The following PDCD6IP variants were observed in gnomAD, a reference collection of about 807,000 sequenced individuals.
The protein encoded by PDCD6IP is programmed cell death 6 interacting protein.
In PDCD6IP, 43 loss-of-function variants were observed where a neutral mutation model predicts 103.7. The observed-to-expected ratio is 0.41, with a 90% CI of 0.32 to 0.53. The LOEUF (loss-of-function observed/expected upper bound fraction) is 0.53, where lower values mean the gene tolerates loss of function less well. PDCD6IP is among the 20% of genes least tolerant of loss of function. The pLI, the probability that PDCD6IP is intolerant of heterozygous loss-of-function variation, is 0.16. For missense variants in PDCD6IP, 871 were observed against 1,036.7 expected, an observed-to-expected ratio of 0.84 and a Z score of 2.20; for synonymous variants, 354 against 378.7, an observed-to-expected ratio of 0.93 and a Z score of 0.76.
intron 3 of PDCD6IP, among the ~76,000 whole-genome samples, chr3:33,820,468 A>G (rs1696965335): frequency 6.6e-6 from 1 of 152,186 alleles, no homozygotes; most frequent in South Asian, 2.1e-4. Context: ...ACAGTTCACT[A>G]GTGTTGGGTG....
rs778427396 is a variant in PDCD6IP, at chr3:33,821,969, G to A, written c.349G>A (p.Gly117Arg). The change falls in exon 4 of 18, where the codon GGA (glycine) becomes AGA (arginine). Residue 117 changes from glycine (G) to arginine (R), a missense_variant. Coordinates refer to ENST00000307296, the MANE Select transcript of PDCD6IP (RefSeq NM_013374.6). The part of the protein sequence containing the change: ...GSVKLALASL[G>R]YEKSCVLFNC... ...ATTTTTTACAGCTCTTGCAAGCTTAGGATATGAAAAGAGCTGTGTGTTGTT... is the reference window on the plus strand; with the variant it reads ...ATTTTTTACAGCTCTTGCAAGCTTAAGATATGAAAAGAGCTGTGTGTTGTT... 1.2e-6 allele frequency: 2 copies of A among 1,612,778 alleles called. No individual in the cohort carries two copies. Among genetic ancestry groups the A allele is most frequent in the Middle Eastern group, 1.6e-4 (1 of 6,062 alleles).
intron 7 of PDCD6IP, among the ~76,000 whole-genome samples, chr3:33,829,269 A>G (rs750045673): frequency 2.6e-4 from 40 of 152,072 alleles, no homozygotes; most frequent in African/African-American, 8.2e-4. Context: ...ACTTTACTGC[A>G]TGGTTTTTTG....
At chr3:33,850,573 T>C (rs1327913949) in intron 12 of PDCD6IP, among the ~76,000 whole-genome samples, 3 of 152,130 alleles carry the variant, frequency 2.0e-5, no homozygotes, top group African/African-American at 7.2e-5. Flanking sequence ...TATATACATA[T>C]TATGTATATG....
chr3:33,819,388 A>T (rs1255731297), intron 3 of PDCD6IP, among the ~76,000 whole-genome samples: 1 of 152,096 alleles, frequency 6.6e-6, no homozygotes, highest in Non-Finnish European at 1.5e-5. Flanking sequence ...ATCTTTTATG[A>T]CTGGAATTGT....
intron 3 of PDCD6IP, among the ~76,000 whole-genome samples, chr3:33,817,030 G>A (rs1379791940): frequency 6.6e-6 from 1 of 152,138 alleles, no homozygotes; most frequent in African/African-American, 2.4e-5. Context: ...TAAATAAAAG[G>A]CTACTCATTC....
intron 12 of PDCD6IP, among the ~76,000 whole-genome samples, chr3:33,847,587 A>T (rs185099938): frequency 2.8e-4 from 42 of 152,334 alleles, no homozygotes; most frequent in African/African-American, 8.4e-4. Flanking sequence ...GATTAGAGTG[A>T]TGCAAATGTA....
intron 15 of PDCD6IP, among the ~76,000 whole-genome samples, chr3:33,856,385 C>T (rs980414474): frequency 6.6e-6 from 1 of 151,970 alleles, no homozygotes; most frequent in African/African-American, 2.4e-5. Flanking sequence ...TGGGAAAGAG[C>T]ACAAAGGGCG....
chr3:33,799,250 C>T (rs9838846), intron 1 of PDCD6IP: 93,249 of 321,104 alleles, frequency 0.29, 14,064 homozygotes, highest in Admixed American at 0.4. Context: ...TAGAACTAGT[C>T]TTCACTTTTT....
intron 7 of PDCD6IP, among the ~76,000 whole-genome samples, chr3:33,829,742 T>C (rs1253746057): frequency 6.6e-6 from 1 of 152,192 alleles, no homozygotes; most frequent in Admixed American, 6.6e-5. Flanking sequence ...GAAGATACTA[T>C]GGATGTCTTG....
chr3:33,808,812 A>G (rs1272507245), intron 1 of PDCD6IP, among the ~76,000 whole-genome samples: 1 of 152,226 alleles, frequency 6.6e-6, no homozygotes, highest in Non-Finnish European at 1.5e-5. Context: ...AGTAAAACTC[A>G]GAAGTCTTAC....
At chr3:33,865,142 T>G in intron 16 of PDCD6IP, 101 bp from the exon 17 acceptor site, 1 of 704,158 alleles carries the variant, frequency 1.4e-6, no homozygotes. Context: ...ATATATTTGG[T>G]TGGATTCTAG....
In PDCD6IP at chr3:33,824,419, A is replaced by G. The variant is rs1697065249; in HGVS notation, c.463-768A>G. Among the ~76,000 whole-genome samples the G allele has an allele frequency of 2.0e-5, 3 of 151,960 alleles. No homozygotes were observed. The South Asian group carries it at 6.2e-4, about 32-fold the overall frequency. ...ATTACAAGTGTGTGCCATCATGCCC[A>G]GCTAATTTTTGTATTTTTAGTAGAG... On this transcript the variant is annotated intron_variant, in intron 4 of 17. Coordinates refer to ENST00000307296, the MANE Select transcript of PDCD6IP (RefSeq NM_013374.6).
At position 33,802,769 on chromosome 3, in the gene PDCD6IP, C is replaced by T. The variant is rs555191151; in HGVS notation, c.209+3832C>T. Among the ~76,000 whole-genome samples the T allele has an allele frequency of 4.0e-3, 604 of 152,250 alleles. 2 individuals carry two copies. Among genetic ancestry groups the T allele is most frequent in the Non-Finnish European group, 7.2e-3 (490 of 68,002 alleles). ...CCTCCCAAAGTGCTGGGATTACAGG[C>T]GTGAGCCACTGTGCCCGGCCAATCT... On this transcript the variant is annotated intron_variant, in intron 1 of 17. Transcript: ENST00000307296.
intron 14 of PDCD6IP, 21 bp from the exon 15 acceptor site, chr3:33,855,145 G>C (rs371010068): frequency 6.8e-7 from 1 of 1,477,356 alleles, no homozygotes; most frequent in Non-Finnish European, 9.5e-7. Context: ...TTCCTTACTT[G>C]TATTTGTTCT....
At chr3:33,832,360 A>G (rs541298240) in intron 7 of PDCD6IP, among the ~76,000 whole-genome samples, 9 of 152,296 alleles carry the variant, frequency 5.9e-5, no homozygotes, top group African/African-American at 2.2e-4. Flanking sequence ...CCATCACATT[A>G]GGAGTTAGGG....
chr3:33,842,125 T>G (rs746761349), intron 10 of PDCD6IP, 51 bp downstream of exon 10: 1 of 1,045,134 alleles, frequency 9.6e-7, no homozygotes, highest in Non-Finnish European at 1.4e-6. Flanking sequence ...GATCCCTTGA[T>G]GTCCAGCAGG....
Position 33,842,078 on chromosome 3 carries a change from T to A in PDCD6IP, c.1359+4T>A. ...AAATAGAGAAATCCTAGATGAGGTATGTTTTATAAGATTTGCTTTTCAAGT... is the reference window on the plus strand; with the variant it reads ...AAATAGAGAAATCCTAGATGAGGTAAGTTTTATAAGATTTGCTTTTCAAGT... On this transcript the variant is annotated splice_donor_region_variant and intron_variant, in intron 10 of 17. Transcript: ENST00000307296. 1 of 1,597,924 alleles carries A rather than the reference T, an allele frequency of 6.3e-7. No individual in the cohort carries two copies. The highest frequency in any genetic ancestry group is 8.5e-7 in the Non-Finnish European group (1 of 1,169,948).
At position 33,855,182 on chromosome 3, in the gene PDCD6IP, C is replaced by T; in HGVS notation, c.2042C>T (p.Thr681Ile). Residue 681 changes from threonine (T) to isoleucine (I), a missense_variant, in exon 15 of 18, where the codon ACT becomes ATT. Transcript: ENST00000307296. ...TGCTTATAGTTTTACAATGAGTTGA[C>T]TGAAATCCTGGTCAGGTTCCAGAAC... The part of the protein sequence containing the change: ...KEGTKFYNEL[T>I]EILVRFQNKC... The T allele has an allele frequency of 6.2e-7, 1 of 1,608,106 alleles. No homozygotes were observed. Among genetic ancestry groups the T allele is most frequent in the Non-Finnish European group, 8.5e-7 (1 of 1,174,844 alleles).
chr3:33,825,069 A>C, intron 4 of PDCD6IP, 118 bp from the exon 5 acceptor site: 1 of 878,118 alleles, frequency 1.1e-6, no homozygotes, highest in Non-Finnish European at 1.8e-6. Context: ...TGCATAATAT[A>C]AAAATTTAAA....
Sources: allele counts gnomAD v4.1 joint callset (sites outside exome capture counted in the v4.1 genomes callset), GRCh38; gene constraint gnomAD v4.1.1; transcripts MANE v1.5; gene names NCBI Gene and HGNC (gene_info 2026-07-23, HGNC 2026-07-21).